The following MS4A8 variants were observed in gnomAD, a reference collection of about 807,000 sequenced individuals.
MS4A8 encodes the protein membrane spanning 4-domains A8, also known as membrane-spanning 4-domains subfamily A member 8.
MS4A8 carries 27 observed loss-of-function variants against 23.7 expected under a neutral mutation model. The observed-to-expected ratio is 1.14, with a 90% CI of 0.84 to 1.57. MS4A8 has a LOEUF of 1.57. Among genes scored for constraint, MS4A8 ranks in the 40% most tolerant of loss-of-function variants. The pLI is 0.00. For synonymous variants in MS4A8, 138 were observed against 126.3 expected (o/e 1.09, Z -0.62); for missense variants, 301 against 311.4 (o/e 0.97, Z 0.25).
chr11:60,703,127 A>G, intron 2 of MS4A8: 1 of 307,114 alleles, frequency 3.3e-6, no homozygotes, highest in Non-Finnish European at 5.8e-6. Flanking sequence ...AAGTTAATAA[A>G]ATTCAGGGGG....
chr11:60,710,589 T>G (rs1032981502), intron 5 of MS4A8, among the ~76,000 whole-genome samples: 2 of 152,184 alleles, frequency 1.3e-5, no homozygotes, highest in Admixed American at 6.5e-5. Context: ...CATCTAATCA[T>G]GGAAACAGCC....
At chr11:60,701,784 G>A (rs1194591796) in intron 2 of MS4A8, among the ~76,000 whole-genome samples, 3 of 152,198 alleles carry the variant, frequency 2.0e-5, no homozygotes, top group African/African-American at 2.4e-5. Flanking sequence ...TCATTGCAGC[G>A]TGGTTTGTGA....
intron 2 of MS4A8, among the ~76,000 whole-genome samples, chr11:60,701,958 A>G (rs1314994052): frequency 6.6e-6 from 1 of 152,194 alleles, no homozygotes; most frequent in Non-Finnish European, 1.5e-5. Context: ...GACACACCCC[A>G]AGATATGGAG....
At chr11:60,710,601 C>G (rs1379830660) in intron 5 of MS4A8, among the ~76,000 whole-genome samples, 1 of 152,208 alleles carries the variant, frequency 6.6e-6, no homozygotes, top group African/African-American at 2.4e-5. Context: ...GAAACAGCCT[C>G]CTGACTGTTC....
chr11:60,713,386 G>GGA (rs535826939), intron 5 of MS4A8, among the ~76,000 whole-genome samples: 6,850 of 152,020 alleles, frequency 0.045, 485 homozygotes, highest in African/African-American at 0.16. Flanking sequence ...TTGGGCATGG[G>GGA]TAATAGGATA....
chr11:60,703,315 G>C (rs1046943958), intron 2 of MS4A8, 63 bp from the exon 3 acceptor site: 48 of 1,449,346 alleles, frequency 3.3e-5, no homozygotes, highest in Non-Finnish European at 4.4e-5. Flanking sequence ...TTAAAAGGAG[G>C]CTCATAGGGG....
At chr11:60,708,399 C>G (rs956113764) in intron 4 of MS4A8, among the ~76,000 whole-genome samples, 5 of 152,144 alleles carry the variant, frequency 3.3e-5, no homozygotes, top group Non-Finnish European at 7.4e-5. Flanking sequence ...TCCTGGGATT[C>G]ACATTAAGAA....
intron 2 of MS4A8, among the ~76,000 whole-genome samples, chr11:60,702,059 C>T (rs1207960132): frequency 1.3e-5 from 2 of 152,112 alleles, no homozygotes; most frequent in Non-Finnish European, 2.9e-5. Context: ...TTTGCTACCA[C>T]GTGTGTAATA....
chr11:60,715,490 G>A lies in MS4A8; in HGVS notation c.*76G>A. The A allele has an allele frequency of 8.6e-7, 1 of 1,158,990 alleles. No individual in the cohort carries two copies. The highest frequency in any genetic ancestry group is 1.3e-6 in the Non-Finnish European group (1 of 790,834). 71.8% of individuals were successfully genotyped at this position (1,158,990 alleles called of 1,614,324 possible). Reference sequence around the variant, plus strand: ...CCCTTTCTGGGCTTCCATAACCCAGGTCGTTCCTGTTCTGACAGCTGAGGA... The same window carrying A: ...CCCTTTCTGGGCTTCCATAACCCAGATCGTTCCTGTTCTGACAGCTGAGGA... On this transcript the variant is annotated 3_prime_UTR_variant, in exon 7 of 7. Transcript: ENST00000300226.
chr11:60,702,271 A>T (rs916243885), intron 2 of MS4A8, among the ~76,000 whole-genome samples: 6 of 152,258 alleles, frequency 3.9e-5, no homozygotes, highest in Admixed American at 3.3e-4. Context: ...CACAAAGCCT[A>T]TTTAATAGTG....
chr11:60,701,250 G>A (rs1409492573), intron 2 of MS4A8, 171 bp downstream of exon 2: 3 of 720,764 alleles, frequency 4.2e-6, no homozygotes, highest in Admixed American at 2.0e-5. Context: ...CATCACAGGC[G>A]GCCTCTGCTC....
chr11:60,707,829 T>C (rs1423779962), intron 4 of MS4A8, among the ~76,000 whole-genome samples: 12 of 134,764 alleles, frequency 8.9e-5, no homozygotes, highest in African/African-American at 3.3e-4. Flanking sequence ...TTTTTTTTTT[T>C]TTTTTTGTGT....
chr11:60,714,166 C>T (rs1455100956), intron 5 of MS4A8, among the ~76,000 whole-genome samples: 3 of 149,302 alleles, frequency 2.0e-5, no homozygotes, highest in African/African-American at 7.7e-5. Flanking sequence ...CCTCATGATC[C>T]ACCCGCCTCG....
intron 2 of MS4A8, chr11:60,703,088 C>T: frequency 4.3e-6 from 1 of 231,110 alleles, no homozygotes; most frequent in South Asian, 9.6e-5. Flanking sequence ...ATACTTAATG[C>T]CATGAGGACA....
At chr11:60,711,847 C>T (rs1260051510) in intron 5 of MS4A8, 1 of 456,102 alleles carries the variant, frequency 2.2e-6, no homozygotes, top group Non-Finnish European at 4.4e-6. Flanking sequence ...AATGATTGAT[C>T]TTGGAATGAG....
chr11:60,700,743 G>A, intron 1 of MS4A8, 117 bp from the exon 2 acceptor site: 2 of 937,818 alleles, frequency 2.1e-6, no homozygotes. Flanking sequence ...TTGTAACATG[G>A]GATTCATAAA....
intron 2 of MS4A8, among the ~76,000 whole-genome samples, chr11:60,702,743 AC>A (rs1305525731): frequency 6.6e-6 from 1 of 152,066 alleles, no homozygotes; most frequent in Non-Finnish European, 1.5e-5. Context: ...TGGATTGGAG[AC>A]CCACTCTACT....
rs557172849 is a variant in MS4A8, at chr11:60,703,240, T to G, written c.220-138T>G. 2.8e-6 allele frequency: 3 copies of G among 1,075,890 alleles called. No homozygotes were observed. The Admixed American group carries it at 1.2e-4, about 44-fold the overall frequency. 66.6% of individuals were successfully genotyped at this position (1,075,890 alleles called of 1,614,324 possible). The stretch of plus-strand genomic sequence containing the variant: ...AGGCGGAGGGGAGATTACAGGTAGT[T>G]TTTATTTCATTTTTGTATTTCCCAT... On this transcript the variant is annotated intron_variant, in intron 2 of 6. Transcript: ENST00000300226.
In MS4A8 at chr11:60,700,890, G is replaced by A. The variant is rs773143727; in HGVS notation, c.30G>A (p.Val10=). 10 of 1,614,038 alleles carry A rather than the reference G, an allele frequency of 6.2e-6. No homozygotes were observed. In the Admixed American group the frequency reaches 6.7e-5, roughly 11 times the overall value. The change falls in exon 2 of 7, where the codon GTG becomes GTA. Residue 10 remains valine (V), a synonymous_variant. Coordinates refer to ENST00000300226, the MANE Select transcript of MS4A8 (RefSeq NM_031457.2). MNSMTSAVP[V]ANSVLVVAPH... Reference sequence around the variant, plus strand: ...ATTCGATGACTTCAGCAGTTCCGGTGGCCAATTCTGTGTTGGTGGTGGCAC... The same window carrying A: ...ATTCGATGACTTCAGCAGTTCCGGTAGCCAATTCTGTGTTGGTGGTGGCAC...
Sources: allele counts gnomAD v4.1 joint callset (sites outside exome capture counted in the v4.1 genomes callset), GRCh38; gene constraint gnomAD v4.1.1; transcripts MANE v1.5; gene names NCBI Gene and HGNC (gene_info 2026-07-23, HGNC 2026-07-21).